Variants in HORMAD1 observed in about 807,000 individuals in gnomAD.
HORMAD1 encodes the protein HORMA domain containing 1, also known as HORMA domain-containing protein 1.
A neutral mutation model predicts 58.2 loss-of-function variants in HORMAD1; 33 were observed. The observed-to-expected ratio is 0.57, with a 90% confidence interval of 0.43 to 0.76. The LOEUF (loss-of-function observed/expected upper bound fraction) is 0.76, where lower values mean the gene tolerates loss of function less well. Ranked by LOEUF, HORMAD1 falls within the 30% of genes least tolerant of loss-of-function variation. The pLI is 0.00. For missense variants in HORMAD1, 363 were observed against 462.0 expected, an observed-to-expected ratio of 0.79 and a Z score of 1.96; for synonymous variants, 137 against 144.6, an observed-to-expected ratio of 0.95 and a Z score of 0.38.
intron 5 of HORMAD1, 43 bp from the exon 6 acceptor site, chr1:150,711,896 A>C (rs961852238): frequency 4.5e-6 from 6 of 1,345,874 alleles, no homozygotes; most frequent in African/African-American, 4.3e-5. Context: ...GTAGTCTATA[A>C]AATAATTTTT....
chr1:150,717,662 G>C (rs987094987), intron 2 of HORMAD1, among the ~76,000 whole-genome samples: 2 of 152,214 alleles, frequency 1.3e-5, no homozygotes, highest in East Asian at 3.8e-4. Flanking sequence ...GCCGGGTGCA[G>C]TGGCTCACGC....
chr1:150,698,757 A>G, intron 14 of HORMAD1, 23 bp from the exon 15 acceptor site: 6 of 1,291,772 alleles, frequency 4.6e-6, no homozygotes, highest in Non-Finnish European at 6.6e-6. Context: ...AACAACTACT[A>G]AGAATAGATA....
intron 4 of HORMAD1, 148 bp downstream of exon 4, chr1:150,714,467 G>A: frequency 6.7e-6 from 3 of 446,804 alleles, no homozygotes; most frequent in Non-Finnish European, 1.2e-5. Flanking sequence ...GAAAACTTCG[G>A]TGGAAAATTT....
rs980900122 is a variant in HORMAD1, at chr1:150,708,131, T to C, written c.547+125A>G. On this transcript the variant is annotated intron_variant, in intron 9 of 14. Transcript: ENST00000361824. ...TAAATCTTTCTTTCTTGAATAGTGATATTAAGTGTAAATTTTATAATTTCA... is the reference window on the plus strand; with the variant it reads ...TAAATCTTTCTTTCTTGAATAGTGACATTAAGTGTAAATTTTATAATTTCA... 4.5e-5 allele frequency: 28 copies of C among 620,896 alleles called. 1 individual carries two copies. The highest frequency in any genetic ancestry group is 7.3e-5 in the Non-Finnish European group (27 of 371,772). The allele number at this position is 620,896 out of a possible 1,614,324, so 38.5% of individuals were successfully genotyped here. A position where few individuals can be genotyped will look rare whatever the true frequency, so the allele number is the denominator to read the frequency against.
intron 13 of HORMAD1, among the ~76,000 whole-genome samples, chr1:150,700,459 T>A (rs587655650): frequency 2.4e-4 from 37 of 152,194 alleles, no homozygotes; most frequent in Non-Finnish European, 3.5e-4. Context: ...ACAATTTTTT[T>A]AAAAAACAGC....
At chr1:150,707,728 G>T (rs587679083) in intron 9 of HORMAD1, among the ~76,000 whole-genome samples, 134 of 152,260 alleles carry the variant, frequency 8.8e-4, no homozygotes, top group African/African-American at 2.7e-3. Flanking sequence ...TTGAGATCAG[G>T]AGTTCAAGAC....
intron 10 of HORMAD1, among the ~76,000 whole-genome samples, chr1:150,705,023 A>G (rs1163737661): frequency 6.6e-6 from 1 of 152,144 alleles, no homozygotes; most frequent in Non-Finnish European, 1.5e-5. Context: ...AGCCTCGGCA[A>G]AAGAGCAAGA....
At chr1:150,710,122 T>C (rs587694294) in intron 7 of HORMAD1, among the ~76,000 whole-genome samples, 1 of 152,118 alleles carries the variant, frequency 6.6e-6, no homozygotes, top group African/African-American at 2.4e-5. Context: ...TGTTTCTCTA[T>C]ACTTTGTCTC....
At chr1:150,712,798 T>C (rs962627600) in intron 5 of HORMAD1, among the ~76,000 whole-genome samples, 2 of 152,196 alleles carry the variant, frequency 1.3e-5, no homozygotes, top group African/African-American at 4.8e-5. Context: ...CCACGTGTCT[T>C]GGCCTCCCAA....
chr1:150,709,829 G>A (rs1227608516), intron 7 of HORMAD1, among the ~76,000 whole-genome samples: 1 of 152,242 alleles, frequency 6.6e-6, no homozygotes, highest in Non-Finnish European at 1.5e-5. Flanking sequence ...CAGCAATGCT[G>A]CCTTGTTATT....
chr1:150,701,982 C>A (rs1651551085), intron 13 of HORMAD1: 1 of 152,180 alleles, frequency 6.6e-6, no homozygotes, highest in Middle Eastern at 3.4e-3. Flanking sequence ...TCAGAGTGAA[C>A]AGAGAACCTA....
intron 11 of HORMAD1, 26 bp from the exon 12 acceptor site, chr1:150,704,220 C>A: frequency 6.9e-7 from 1 of 1,440,872 alleles, no homozygotes; most frequent in Non-Finnish European, 9.6e-7. Context: ...AAAAAAGTTA[C>A]CCGGGTATAA....
At chr1:150,712,871 A>T (rs1251710634) in intron 5 of HORMAD1, among the ~76,000 whole-genome samples, 2 of 152,192 alleles carry the variant, frequency 1.3e-5, no homozygotes, top group Admixed American at 6.5e-5. Context: ...AATGTAAATC[A>T]AATATTACAT....
intron 9 of HORMAD1, 40 bp downstream of exon 9, chr1:150,708,216 C>A: frequency 6.9e-7 from 1 of 1,448,994 alleles, no homozygotes; most frequent in Non-Finnish European, 9.3e-7. Context: ...AATGATAAAA[C>A]ATATGTACCA....
At chr1:150,707,397 G>A (rs1447338660) in intron 9 of HORMAD1, among the ~76,000 whole-genome samples, 1 of 152,130 alleles carries the variant, frequency 6.6e-6, no homozygotes, top group Non-Finnish European at 1.5e-5. Flanking sequence ...TTACGCAGAT[G>A]GACCATAATT....
rs886441898 is a variant in HORMAD1, at chr1:150,698,583, A to C, written c.*71T>G. ...TACATATACATCTTCAGAGTTAGGG[A>C]AATATAATATAGGGTCCTTCAGTTT... On this transcript the variant is annotated 3_prime_UTR_variant, in exon 15 of 15. Transcript: ENST00000361824. The C allele has an allele frequency of 6.3e-6, 5 of 797,864 alleles. No homozygotes were observed. The African/African-American group carries it at 8.8e-5, about 14-fold the overall frequency. 49.4% of individuals were successfully genotyped at this position (797,864 alleles called of 1,614,324 possible). A position where few individuals can be genotyped will look rare whatever the true frequency, so the allele number is the denominator to read the frequency against.
intron 9 of HORMAD1, among the ~76,000 whole-genome samples, chr1:150,707,647 C>A (rs976611985): frequency 2.4e-4 from 37 of 152,176 alleles, no homozygotes; most frequent in African/African-American, 8.0e-4. Context: ...TACAAAAGTG[C>A]CTGCTCAGCC....
intron 1 of HORMAD1, among the ~76,000 whole-genome samples, chr1:150,719,775 A>C (rs1471383865): frequency 6.6e-6 from 1 of 152,208 alleles, no homozygotes; most frequent in Non-Finnish European, 1.5e-5. Context: ...GAAACTGTTT[A>C]AGAGAACTTT....
At chr1:150,708,147 T>G (rs1651755300) in intron 9 of HORMAD1, 109 bp downstream of exon 9, 2 of 822,592 alleles carry the variant, frequency 2.4e-6, no homozygotes, top group South Asian at 4.8e-5. Context: ...GTGTAAATTT[T>G]ATAATTTCAA....
Sources: gnomAD v4.1 joint callset for allele counts (sites outside exome capture counted in the v4.1 genomes callset) on GRCh38, gnomAD v4.1.1 for gene constraint, MANE v1.5 for transcripts, NCBI Gene and HGNC (gene_info 2026-07-23, HGNC 2026-07-21) for gene names.